Variants in RBFOX1 observed in about 807,000 individuals in gnomAD.
RBFOX1 encodes the protein RNA binding protein fox-1 homolog 1.
Under a neutral mutation model 57.7 loss-of-function variants are expected in RBFOX1, and 8 were observed. The ratio of observed to expected loss-of-function variants is 0.14; its 90% confidence interval spans 0.08 to 0.25. RBFOX1 has a LOEUF of 0.25. Among genes scored for constraint, RBFOX1 ranks in the 10% least tolerant of loss-of-function variants. RBFOX1 has a pLI of 1.00. For synonymous variants in RBFOX1, 326 were observed against 222.4 expected (o/e 1.47, Z -4.15); for missense variants, 611 against 548.5 (o/e 1.11, Z -1.14).
intron 2 of RBFOX1, among the ~76,000 whole-genome samples, chr16:6,589,696 A>G (rs1002099343): frequency 6.6e-6 from 1 of 152,222 alleles, no homozygotes; most frequent in Non-Finnish European, 1.5e-5. Flanking sequence ...AAGGCAGTCT[A>G]GTTCCCAGGC....
At chr16:6,359,705 C>G (rs1043993999) in intron 2 of RBFOX1, among the ~76,000 whole-genome samples, 3 of 152,200 alleles carry the variant, frequency 2.0e-5, no homozygotes, top group African/African-American at 7.2e-5. Context: ...TTTCGAGCAT[C>G]TACTGTCTTC....
At chr16:6,874,349 A>G (rs913092565) in intron 3 of RBFOX1, among the ~76,000 whole-genome samples, 9 of 152,046 alleles carry the variant, frequency 5.9e-5, no homozygotes, top group African/African-American at 2.2e-4. Flanking sequence ...CATCTCCACT[A>G]AAAATACAAA....
At chr16:6,092,344 A>C (rs1236493406) in intron 1 of RBFOX1, 2 of 152,222 alleles carry the variant, frequency 1.3e-5, no homozygotes, top group Non-Finnish European at 2.9e-5. Context: ...CCATGGGAAC[A>C]CAGGGAGTAA....
At chr16:6,031,906 T>C (rs1322012896) in intron 1 of RBFOX1, among the ~76,000 whole-genome samples, 1 of 152,172 alleles carries the variant, frequency 6.6e-6, no homozygotes. Flanking sequence ...TATGAACATA[T>C]CTTCATAACA....
At chr16:5,828,293 T>C (rs1163040175) in intron 3 of RBFOX1, among the ~76,000 whole-genome samples, 2 of 152,156 alleles carry the variant, frequency 1.3e-5, no homozygotes, top group Admixed American at 6.6e-5. Context: ...ATAAACAATT[T>C]ATAATTACTG....
At chr16:6,058,531 C>T (rs892483535) in intron 1 of RBFOX1, among the ~76,000 whole-genome samples, 4 of 152,096 alleles carry the variant, frequency 2.6e-5, no homozygotes, top group African/African-American at 9.7e-5. Context: ...TATCGAGATC[C>T]GTCTTATATA....
intron 4 of RBFOX1, among the ~76,000 whole-genome samples, chr16:7,059,581 G>C (rs2053602373): frequency 6.6e-6 from 1 of 152,120 alleles, no homozygotes; most frequent in Admixed American, 6.6e-5. Context: ...ATGAATATGA[G>C]AAACAAGAGA....
At chr16:5,675,298 A>T (rs960099357) in intron 3 of RBFOX1, among the ~76,000 whole-genome samples, 3 of 152,220 alleles carry the variant, frequency 2.0e-5, no homozygotes, top group African/African-American at 7.2e-5. Context: ...AAGGAACAGA[A>T]GAAGGGATGA....
chr16:7,693,522 C>G (rs532009002), intron 14 of RBFOX1, among the ~76,000 whole-genome samples: 1 of 150,636 alleles, frequency 6.6e-6, no homozygotes, highest in Non-Finnish European at 1.5e-5. Context: ...CAGCTGAAGC[C>G]TTGAGGCTCT....
chr16:6,121,444 A>G (rs1597491929), intron 1 of RBFOX1, among the ~76,000 whole-genome samples: 1 of 152,024 alleles, frequency 6.6e-6, no homozygotes, highest in Non-Finnish European at 1.5e-5. Flanking sequence ...CCTTGATCCT[A>G]CCTGCTTCTC....
intron 4 of RBFOX1, among the ~76,000 whole-genome samples, chr16:7,190,899 A>G (rs1350116157): frequency 6.6e-6 from 1 of 152,190 alleles, no homozygotes; most frequent in East Asian, 1.9e-4. Flanking sequence ...TTAGAGAATC[A>G]TGAAGGAAGC....
intron 3 of RBFOX1, among the ~76,000 whole-genome samples, chr16:6,779,505 T>A (rs1337263252): frequency 6.6e-6 from 1 of 151,312 alleles, no homozygotes; most frequent in African/African-American, 2.4e-5. Context: ...TTCTATACAC[T>A]AACTTTCTTT....
At chr16:6,512,017 T>C (rs939313671) in intron 2 of RBFOX1, among the ~76,000 whole-genome samples, 5 of 151,848 alleles carry the variant, frequency 3.3e-5, no homozygotes, top group Non-Finnish European at 7.4e-5. Context: ...ATACCTGTAA[T>C]CCAAGCCCTC....
At chr16:6,634,239 TTC>T (rs2098413333) in intron 2 of RBFOX1, among the ~76,000 whole-genome samples, 1 of 152,126 alleles carries the variant, frequency 6.6e-6, no homozygotes. Context: ...TAAAAAATAT[TTC>T]TGTTACTCCT....
At chr16:6,749,937 G>C (rs918779592) in intron 3 of RBFOX1, among the ~76,000 whole-genome samples, 2 of 152,108 alleles carry the variant, frequency 1.3e-5, no homozygotes, top group South Asian at 2.1e-4. Context: ...ACTGTGTCAG[G>C]GTGTTCAGAG....
At position 5,427,728 on chromosome 16, in the gene RBFOX1, C is replaced by T. The variant is rs531825044; in HGVS notation, c.220-39488C>T. On this transcript the variant is annotated intron_variant, in intron 1 of 2. Coordinates refer to the RBFOX1 transcript ENST00000585867. ...TGCTGTAAGAATTTCCTCTTGCTCC[C>T]GAGAGGTCAGTCTTGTTTTGCTCAT... Among the ~76,000 whole-genome samples the T allele has an allele frequency of 6.6e-5, 10 of 152,166 alleles. 1 individual carries two copies. The highest frequency in any genetic ancestry group is 3.8e-4 in the East Asian group (2 of 5,198).
chr16:6,061,900 T>C (rs796573585), intron 1 of RBFOX1, among the ~76,000 whole-genome samples: 97 of 152,256 alleles, frequency 6.4e-4, no homozygotes, highest in African/African-American at 2.1e-3. Flanking sequence ...TTAAGGATTC[T>C]GCCGCCAAGA....
At chr16:5,483,609 C>G (rs1270652842) in intron 2 of RBFOX1, among the ~76,000 whole-genome samples, 1 of 152,206 alleles carries the variant, frequency 6.6e-6, no homozygotes, top group East Asian at 1.9e-4. Context: ...CTTGCTACCT[C>G]TGGATATGCC....
chr16:6,939,580 C>G (rs988086434), intron 3 of RBFOX1, among the ~76,000 whole-genome samples: 10 of 149,028 alleles, frequency 6.7e-5, no homozygotes, highest in Non-Finnish European at 1.0e-4. Context: ...GGAGTGATTT[C>G]AGCTCACTGC....
Sources: allele counts gnomAD v4.1 joint callset (sites outside exome capture counted in the v4.1 genomes callset), GRCh38; gene constraint gnomAD v4.1.1; transcripts MANE v1.5; gene names NCBI Gene and HGNC (gene_info 2026-07-23, HGNC 2026-07-21).